TRMT44: variants seen among roughly 807,000 people sequenced by gnomAD.
The protein encoded by TRMT44 is tRNA methyltransferase 44 homolog, also known as probable tRNA (uracil-O(2)-)-methyltransferase.
In TRMT44, 78 loss-of-function variants were observed where a neutral mutation model predicts 77.3. That is an observed-to-expected ratio of 1.01 (90% CI 0.84 to 1.22). The LOEUF (loss-of-function observed/expected upper bound fraction) is 1.22. TRMT44 is among the 50% of genes most tolerant of loss of function. TRMT44 has a pLI of 0.00. For missense variants in TRMT44, 1,090 were observed against 964.4 expected (o/e 1.13, Z -1.73); for synonymous variants, 391 against 383.3 (o/e 1.02, Z -0.23).
At chr4:8,473,882 C>T (rs1258049573) in intron 10 of TRMT44, among the ~76,000 whole-genome samples, 1 of 152,144 alleles carries the variant, frequency 6.6e-6, no homozygotes, top group South Asian at 2.1e-4. Context: ...GTTGTAGACA[C>T]GGGGAGTGGG....
At chr4:8,505,588 G>C in the TRMT44 span, among the ~76,000 whole-genome samples, 6 of 152,182 alleles carry the variant, frequency 3.9e-5, no homozygotes, top group Non-Finnish European at 7.4e-5. Flanking sequence ...CGCTGCACTA[G>C]CTGCACTGTT....
chr4:8,467,786 T>A lies in TRMT44; in HGVS notation c.1495-128T>A, dbSNP rs1005216073. On this transcript the variant is annotated intron_variant, in intron 8 of 10. Coordinates refer to ENST00000389737, the MANE Select transcript of TRMT44 (RefSeq NM_152544.3). ...CCGTACCTGGCTGGTGTCAGTTTTT[T>A]AAATCAGGATTTTTTCATGATAGAC... 8 of 1,109,362 alleles carry A rather than the reference T, an allele frequency of 7.2e-6. No homozygotes were observed. In the Admixed American group the frequency reaches 8.4e-5, roughly 12 times the overall value. The allele number at this position is 1,109,362 out of a possible 1,614,324, so 68.7% of individuals were successfully genotyped here.
chr4:8,475,885 T>G lies in TRMT44; in HGVS notation c.2158T>G (p.Trp720Gly), dbSNP rs1436524676. The change falls in exon 11 of 11, where the codon TGG becomes GGG. Residue 720 changes from tryptophan (W) to glycine (G), a missense_variant. Physicochemically the swap from Trp to Gly is radical, Grantham distance 184. Coordinates refer to ENST00000389737, the MANE Select transcript of TRMT44 (RefSeq NM_152544.3). Reference protein sequence around the residue: ...LSEACKTRLCWFFMHHPDGCA... With the variant: ...LSEACKTRLCGFFMHHPDGCA... ...TGAAGCCTGCAAAACCCGCCTCTGC[T>G]GGTTCTTCATGCATCACCCTGATGG... is the stretch of plus-strand genomic sequence containing the variant. The G allele has an allele frequency of 6.2e-7, 1 of 1,614,248 alleles. No homozygotes were observed.
At chr4:8,493,576 C>A (rs6816094), downstream of TRMT44, 7 of 152,184 alleles carry the variant, frequency 4.6e-5, no homozygotes, top group Admixed American at 2.0e-4. Flanking sequence ...TCCATCAGCT[C>A]GGTGTAGGCA....
At chr4:8,463,534 G>C (rs182130812) in intron 6 of TRMT44, among the ~76,000 whole-genome samples, 4 of 152,142 alleles carry the variant, frequency 2.6e-5, no homozygotes, top group Admixed American at 6.5e-5. Context: ...TTCCTAGATT[G>C]AAAGGCCTGT....
At chr4:8,479,199 A>C (rs374404719), downstream of TRMT44, 1 of 151,976 alleles carries the variant, frequency 6.6e-6, no homozygotes, top group African/African-American at 2.4e-5. Context: ...GGAGAAGCTG[A>C]GCCCTCTGCT....
chr4:8,449,814 C>CT lies in TRMT44; in HGVS notation c.883dup (p.Ser295PhefsTer9), dbSNP rs1458111834. The CT allele has an allele frequency of 2.0e-6, 3 of 1,535,868 alleles. No individual in the cohort carries two copies. Among genetic ancestry groups the CT allele is most frequent in the African/African-American group, 2.7e-5 (2 of 73,002 alleles). On this transcript the variant is annotated frameshift_variant, in exon 3 of 11. Coordinates refer to ENST00000389737, the MANE Select transcript of TRMT44 (RefSeq NM_152544.3). LOFTEE classifies it high-confidence loss of function. Reference sequence around the variant, plus strand: ...CAAGAAGAGTGACTTTAAAAGCACCCTTTCCCTCATCTCCATTATGAAGTA... The same window carrying CT: ...CAAGAAGAGTGACTTTAAAAGCACCCTTTTCCCTCATCTCCATTATGAAGTA...
chr4:8,497,974 C>T (rs1322826226), downstream of TRMT44, among the ~76,000 whole-genome samples: 1 of 152,184 alleles, frequency 6.6e-6, no homozygotes, highest in Non-Finnish European at 1.5e-5. Context: ...GTGCCCTCTG[C>T]TGGGCTGAGA....
At chr4:8,505,517 G>A in the TRMT44 span, among the ~76,000 whole-genome samples, 1 of 152,224 alleles carries the variant, frequency 6.6e-6, no homozygotes, top group East Asian at 1.9e-4. Context: ...ACAGGCAGCC[G>A]GTGTGGGGGG....
chr4:8,512,437 G>A, the TRMT44 span: 1 of 152,152 alleles, frequency 6.6e-6, no homozygotes, highest in East Asian at 1.9e-4. Flanking sequence ...TTCCAGTATG[G>A]GAGGTATAAA....
downstream of TRMT44, chr4:8,479,026 T>A (rs1379252381): frequency 3.3e-5 from 5 of 152,310 alleles, no homozygotes; most frequent in African/African-American, 1.2e-4. Context: ...CTGTCGGGGT[T>A]GGCAGGGCAG....
rs376016878 is a variant in TRMT44, at chr4:8,467,487, T to C, written c.1495-427T>C. Reference sequence around the variant, plus strand: ...TTTATTTTGTATTTATTTTTATTGATTTATTTATTTTGAGATGGAGTTTTT... The same window carrying C: ...TTTATTTTGTATTTATTTTTATTGACTTATTTATTTTGAGATGGAGTTTTT... On this transcript the variant is annotated intron_variant, in intron 8 of 10. Coordinates refer to ENST00000389737, the MANE Select transcript of TRMT44 (RefSeq NM_152544.3). 1.1e-4 allele frequency among the ~76,000 whole-genome samples: 16 copies of C among 152,282 alleles called. No homozygotes were observed. In the East Asian group the frequency reaches 2.9e-3, roughly 28 times the overall value.
intron 2 of TRMT44, 50 bp from the exon 3 acceptor site, chr4:8,449,619 A>G: frequency 7.5e-7 from 1 of 1,337,702 alleles, no homozygotes; most frequent in East Asian, 2.5e-5. Context: ...TAATTTTAAA[A>G]TAAGAATTGA....
rs1726702462 is a variant in TRMT44 at position 8,467,913 on chromosome 4, G to A, written c.1495-1G>A. ...ACTTGCTTTGCTTTCTTCAAACGCA[G>A]GTCTGTCTCGTTGGAAAATCCAGAA... On this transcript the variant is annotated splice_acceptor_variant, in intron 8 of 10. Transcript: ENST00000389737. LOFTEE classifies it high-confidence loss of function. The A allele has an allele frequency of 6.3e-7, 1 of 1,598,324 alleles. No individual in the cohort carries two copies. Among genetic ancestry groups the A allele is most frequent in the Non-Finnish European group, 8.6e-7 (1 of 1,169,120 alleles).
At chr4:8,472,505 G>A (rs998195512) in intron 10 of TRMT44, among the ~76,000 whole-genome samples, 1 of 152,182 alleles carries the variant, frequency 6.6e-6, no homozygotes, top group Admixed American at 6.5e-5. Flanking sequence ...TGGCTCTCTG[G>A]GTGTGTGAGA....
chr4:8,503,889 C>T, the TRMT44 span, among the ~76,000 whole-genome samples: 4 of 152,372 alleles, frequency 2.6e-5, no homozygotes, highest in East Asian at 7.7e-4. Flanking sequence ...TGGCTAGCTT[C>T]GTCTCCAGCA....
the TRMT44 span, among the ~76,000 whole-genome samples, chr4:8,514,146 T>C: frequency 2.4e-4 from 37 of 152,042 alleles, no homozygotes; most frequent in East Asian, 7.0e-3. Flanking sequence ...CAACAGAAGC[T>C]TAGGTGAGCA....
chr4:8,475,962 G>A lies in TRMT44; in HGVS notation c.2235G>A (p.Leu745=). The part of the protein sequence containing the change: ...CCPFAHGPAE[L]RPPRTTPRKK... ...CGTTTGCCCATGGGCCTGCGGAGCTGCGGCCACCCCGGACCACCCCGAGGA... is the reference window on the plus strand; with the variant it reads ...CGTTTGCCCATGGGCCTGCGGAGCTACGGCCACCCCGGACCACCCCGAGGA... Residue 745 remains leucine, a synonymous_variant, in exon 11 of 11, where the codon CTG becomes CTA. Coordinates refer to ENST00000389737, the MANE Select transcript of TRMT44 (RefSeq NM_152544.3). The A allele has an allele frequency of 6.2e-7, 1 of 1,614,114 alleles. No homozygotes were observed. The highest frequency in any genetic ancestry group is 8.5e-7 in the Non-Finnish European group (1 of 1,180,042).
chr4:8,493,103 T>A (rs1165482536), intron 2 of TRMT44, among the ~76,000 whole-genome samples: 1 of 152,174 alleles, frequency 6.6e-6, no homozygotes, highest in African/African-American at 2.4e-5. Flanking sequence ...CAAAACAAAG[T>A]CCCTGCCTGC....
Sources: allele counts gnomAD v4.1 joint callset (sites outside exome capture counted in the v4.1 genomes callset), GRCh38; gene constraint gnomAD v4.1.1; transcripts MANE v1.5; gene names NCBI Gene and HGNC (gene_info 2026-07-23, HGNC 2026-07-21).